The following PLA2G4A variants were observed in gnomAD, a reference collection of about 807,000 sequenced individuals.
PLA2G4A encodes the protein cytosolic phospholipase A2.
A neutral mutation model predicts 81.9 loss-of-function variants in PLA2G4A; 40 were observed. That is an observed-to-expected ratio of 0.49 (90% CI 0.38 to 0.64). The LOEUF is 0.64. PLA2G4A is among the 30% of genes least tolerant of loss of function. The pLI is 0.00. For synonymous variants in PLA2G4A, 302 were observed against 296.9 expected (o/e 1.02, Z -0.18); for missense variants, 715 against 905.1 (o/e 0.79, Z 2.69).
chr1:186,906,880 A>T, intron 5 of PLA2G4A, 85 bp from the exon 6 acceptor site: 2 of 725,518 alleles, frequency 2.8e-6, no homozygotes, highest in East Asian at 2.5e-5. Context: ...ATAATCTGGC[A>T]CTCAAAATTT....
chr1:186,978,143 C>T (rs1356035088), intron 16 of PLA2G4A, among the ~76,000 whole-genome samples: 1 of 152,152 alleles, frequency 6.6e-6, no homozygotes, highest in Non-Finnish European at 1.5e-5. Context: ...ATGCAAATTT[C>T]TGGGAATTTT....
At chr1:186,879,968 T>C (rs113631955) in intron 3 of PLA2G4A, among the ~76,000 whole-genome samples, 185 of 152,072 alleles carry the variant, frequency 1.2e-3, no homozygotes, top group African/African-American at 4.2e-3. Context: ...TAGGTATATC[T>C]CCTAATGCTA....
chr1:186,935,364 C>A lies in PLA2G4A; in HGVS notation c.695+2465C>A, dbSNP rs574126609. Among the ~76,000 whole-genome samples, 3 of 149,698 alleles carry A rather than the reference C, an allele frequency of 2.0e-5. No individual in the cohort carries two copies. In the East Asian group the frequency reaches 5.9e-4, roughly 29 times the overall value. On this transcript the variant is annotated intron_variant, in intron 8 of 17. Coordinates refer to ENST00000367466, the MANE Select transcript of PLA2G4A (RefSeq NM_024420.3). ...TGTTTGGAAAGGGAAGGAAGGAGCT[C>A]GGTCATTGTTTGAAGGGAACATAGG...
intron 15 of PLA2G4A, among the ~76,000 whole-genome samples, chr1:186,970,056 C>T (rs1271805966): frequency 6.6e-6 from 1 of 152,054 alleles, no homozygotes; most frequent in Non-Finnish European, 1.5e-5. Flanking sequence ...CCTTTCTCCA[C>T]ATCCTCATCA....
chr1:186,934,202 T>C (rs188372188), intron 8 of PLA2G4A, among the ~76,000 whole-genome samples: 1 of 152,068 alleles, frequency 6.6e-6, no homozygotes, highest in East Asian at 1.9e-4. Context: ...TTCTTTGTAC[T>C]CACTGTTTAT....
In PLA2G4A at chr1:186,988,679, G is replaced by A. The variant is rs555217954; in HGVS notation, c.*171G>A. On this transcript the variant is annotated 3_prime_UTR_variant, in exon 18 of 18. Transcript: ENST00000367466. ...GAATAATACTATTATAAGTTAGGTT[G>A]ACAAATGATGTTGATTATGTAAGGA... 20 of 563,832 alleles carry A rather than the reference G, an allele frequency of 3.5e-5. No homozygotes were observed. Among genetic ancestry groups the A allele is most frequent in the Non-Finnish European group, 6.2e-5 (19 of 306,472 alleles). The allele number at this position is 563,832 out of a possible 1,614,324, so 34.9% of individuals were successfully genotyped here.
chr1:186,841,789 C>T (rs1651989279), intron 1 of PLA2G4A, among the ~76,000 whole-genome samples: 1 of 152,112 alleles, frequency 6.6e-6, no homozygotes, highest in African/African-American at 2.4e-5. Flanking sequence ...GTTTGTAATG[C>T]ATTATGTGAA....
intron 5 of PLA2G4A, among the ~76,000 whole-genome samples, chr1:186,897,428 A>C (rs973688976): frequency 1.1e-4 from 17 of 152,150 alleles, no homozygotes; most frequent in African/African-American, 4.1e-4. Context: ...GTTGGATTAA[A>C]TTTTTCTAAG....
intron 5 of PLA2G4A, among the ~76,000 whole-genome samples, chr1:186,894,933 C>T (rs560736116): frequency 2.0e-5 from 3 of 152,034 alleles, no homozygotes; most frequent in Non-Finnish European, 4.4e-5. Flanking sequence ...GGCTGGTTAC[C>T]ATACTAATTT....
chr1:186,962,044 C>T (rs1041614358), intron 14 of PLA2G4A, among the ~76,000 whole-genome samples: 9 of 152,126 alleles, frequency 5.9e-5, no homozygotes, highest in African/African-American at 1.7e-4. Context: ...GCTACCTGCC[C>T]GTTAGTGACT....
intron 7 of PLA2G4A, among the ~76,000 whole-genome samples, chr1:186,916,970 G>T (rs1655159038): frequency 6.6e-6 from 1 of 152,158 alleles, no homozygotes; most frequent in Non-Finnish European, 1.5e-5. Flanking sequence ...TGTGACTGGA[G>T]CAGGGCTTGT....
intron 13 of PLA2G4A, among the ~76,000 whole-genome samples, chr1:186,952,595 G>T (rs937842872): frequency 1.3e-5 from 2 of 152,016 alleles, no homozygotes; most frequent in African/African-American, 2.4e-5. Flanking sequence ...TTTACAGTAG[G>T]ACTCACTGTT....
At chr1:186,913,207 A>T (rs1655025782) in intron 7 of PLA2G4A, among the ~76,000 whole-genome samples, 1 of 151,952 alleles carries the variant, frequency 6.6e-6, no homozygotes, top group African/African-American at 2.4e-5. Context: ...AGGATTATAA[A>T]AATCATTAAG....
rs1651455469 is a variant in PLA2G4A at position 186,828,995 on chromosome 1, G to C, written c.-110G>C. ...AAGTCCGGAGCTGAAAAAGGATCCT[G>C]ACTGAAAGCTAGAGGCATTGAGGAG... On this transcript the variant is annotated 5_prime_UTR_variant, in exon 1 of 18. Coordinates refer to ENST00000367466, the MANE Select transcript of PLA2G4A (RefSeq NM_024420.3). 6.6e-6 allele frequency: 1 copy of C among 152,124 alleles called. No homozygotes were observed. The highest frequency in any genetic ancestry group is 6.5e-5 in the Admixed American group (1 of 15,274). 9.4% of individuals were successfully genotyped at this position (152,124 alleles called of 1,614,324 possible). A position where few individuals can be genotyped will look rare whatever the true frequency, so the allele number is the denominator to read the frequency against.
intron 6 of PLA2G4A, among the ~76,000 whole-genome samples, chr1:186,909,806 T>G (rs554908598): frequency 6.6e-6 from 1 of 152,300 alleles, no homozygotes; most frequent in East Asian, 1.9e-4. Flanking sequence ...TTTAAAAAGT[T>G]TTTGGTTACT....
At chr1:186,954,789 G>C (rs1159271031) in intron 13 of PLA2G4A, among the ~76,000 whole-genome samples, 2 of 151,964 alleles carry the variant, frequency 1.3e-5, no homozygotes, top group African/African-American at 2.4e-5. Flanking sequence ...GGTTTAGGCA[G>C]GTGAAGTTAT....
intron 3 of PLA2G4A, among the ~76,000 whole-genome samples, chr1:186,879,731 C>A (rs138292030): frequency 6.6e-6 from 1 of 151,656 alleles, no homozygotes; most frequent in African/African-American, 2.4e-5. Context: ...CTTCTTAGGA[C>A]TTTACATTAT....
chr1:186,954,845 A>G (rs1191707172), intron 13 of PLA2G4A, among the ~76,000 whole-genome samples: 1 of 152,200 alleles, frequency 6.6e-6, no homozygotes, highest in Non-Finnish European at 1.5e-5. Context: ...AATAAATAAG[A>G]TTGATGATTA....
chr1:186,830,957 G>GCTTGCTTGCTTGCTTTCTTT (rs1491468816), intron 1 of PLA2G4A, among the ~76,000 whole-genome samples: 2 of 82,716 alleles, frequency 2.4e-5, no homozygotes, highest in African/African-American at 8.1e-5. Flanking sequence ...TTGCTTGCTT[G>GCTTGCTTGCTTGCTTTCTTT]CTTTCTTTCT....
Sources: allele counts gnomAD v4.1 joint callset (sites outside exome capture counted in the v4.1 genomes callset), GRCh38; gene constraint gnomAD v4.1.1; transcripts MANE v1.5; gene names NCBI Gene and HGNC (gene_info 2026-07-23, HGNC 2026-07-21).